Variants in RNF144A observed in about 807,000 individuals in gnomAD.
The protein encoded by RNF144A is ring finger protein 144A, also known as E3 ubiquitin-protein ligase RNF144A.
RNF144A carries 11 observed loss-of-function variants against 38.7 expected under a neutral mutation model. The ratio of observed to expected loss-of-function variants is 0.28; its 90% confidence interval spans 0.18 to 0.47. The LOEUF (loss-of-function observed/expected upper bound fraction) is 0.47, where lower values mean the gene tolerates loss of function less well. RNF144A is among the 20% of genes least tolerant of loss of function. RNF144A has a pLI of 0.99. For missense variants in RNF144A, 316 were observed against 377.2 expected (o/e 0.84, Z 1.34); for synonymous variants, 149 against 143.9 (o/e 1.04, Z -0.25).
intron 2 of RNF144A, among the ~76,000 whole-genome samples, chr2:6,967,573 T>G (rs1243093078): frequency 1.3e-5 from 2 of 152,192 alleles, no homozygotes; most frequent in Non-Finnish European, 2.9e-5. Context: ...GCTCCCTACT[T>G]CTGGGTAACT....
At chr2:7,029,953 G>A (rs1672168741) in intron 7 of RNF144A, among the ~76,000 whole-genome samples, 173 bp from the exon 8 acceptor site, 1 of 152,236 alleles carries the variant, frequency 6.6e-6, no homozygotes, top group South Asian at 2.1e-4. Flanking sequence ...GAGCGGCCTG[G>A]GCCTCCAGTG....
At chr2:6,968,944 G>A (rs1416736797) in intron 2 of RNF144A, among the ~76,000 whole-genome samples, 7 of 152,152 alleles carry the variant, frequency 4.6e-5, no homozygotes, top group Non-Finnish European at 7.3e-5. Context: ...ATGAGGTCTC[G>A]GGCTCAGAGC....
chr2:6,943,064 G>A lies in RNF144A; in HGVS notation c.-12+1917G>A, dbSNP rs1326439986. ...TATAAGCCACCCACATGGAGACACC[G>A]AGTGGGTGGTCCTATCCAGATCTGA... is the stretch of plus-strand genomic sequence containing the variant. On this transcript the variant is annotated intron_variant, in intron 2 of 8. Transcript: ENST00000320892. The surrounding 1 kb of genome is among the most constrained non-coding windows in gnomAD (Gnocchi z 4.3). 1.3e-5 allele frequency among the ~76,000 whole-genome samples: 2 copies of A among 152,196 alleles called. No individual in the cohort carries two copies. The highest frequency in any genetic ancestry group is 2.4e-5 in the African/African-American group (1 of 41,436).
chr2:6,979,290 G>C (rs1315587070), intron 2 of RNF144A, among the ~76,000 whole-genome samples: 1 of 152,190 alleles, frequency 6.6e-6, no homozygotes, highest in African/African-American at 2.4e-5. Context: ...ATGCAGATGA[G>C]ATGAGATATT....
At chr2:7,030,633 G>A (rs1672237439) in intron 8 of RNF144A, among the ~76,000 whole-genome samples, 1 of 152,150 alleles carries the variant, frequency 6.6e-6, no homozygotes, top group Admixed American at 6.5e-5. Flanking sequence ...CAAGGAAGGA[G>A]TGGAAAAATT....
intron 8 of RNF144A, among the ~76,000 whole-genome samples, chr2:7,033,997 G>A (rs1464070869): frequency 6.6e-6 from 1 of 152,198 alleles, no homozygotes; most frequent in Non-Finnish European, 1.5e-5. Context: ...AGGGAGCAAA[G>A]GGTTGCTGTG....
At chr2:6,953,315 G>C (rs1485023599) in intron 2 of RNF144A, among the ~76,000 whole-genome samples, 1 of 152,102 alleles carries the variant, frequency 6.6e-6, no homozygotes, top group African/African-American at 2.4e-5. Context: ...TGTAATCCCA[G>C]CTACTCGGGA....
chr2:6,981,057 T>C (rs970347076), intron 2 of RNF144A, among the ~76,000 whole-genome samples: 1 of 152,212 alleles, frequency 6.6e-6, no homozygotes, highest in Non-Finnish European at 1.5e-5. Context: ...CAGGGTGCCA[T>C]GTCCCAAGGC....
At chr2:6,966,151 C>T (rs1253489848) in intron 2 of RNF144A, among the ~76,000 whole-genome samples, 1 of 152,160 alleles carries the variant, frequency 6.6e-6, no homozygotes, top group Non-Finnish European at 1.5e-5. Flanking sequence ...CAGAGAAACA[C>T]CGGAATATTT....
At chr2:6,936,302 TAC>T (rs893875110) in intron 1 of RNF144A, among the ~76,000 whole-genome samples, 1 of 152,184 alleles carries the variant, frequency 6.6e-6, no homozygotes, top group Non-Finnish European at 1.5e-5. Flanking sequence ...GGCATATATA[TAC>T]ACACACCCAC....
intron 7 of RNF144A, among the ~76,000 whole-genome samples, chr2:7,027,059 G>C (rs1297175177): frequency 6.6e-6 from 1 of 152,226 alleles, no homozygotes; most frequent in Non-Finnish European, 1.5e-5. Context: ...ATCCAGCCAA[G>C]AGCACTCAGA....
At chr2:6,933,571 C>G (rs934618856) in intron 1 of RNF144A, among the ~76,000 whole-genome samples, 3 of 151,852 alleles carry the variant, frequency 2.0e-5, no homozygotes, top group African/African-American at 7.3e-5. Flanking sequence ...AGTCTTTAGC[C>G]TCTAAAAATT....
intron 2 of RNF144A, among the ~76,000 whole-genome samples, chr2:6,969,122 C>T (rs975081524): frequency 6.6e-6 from 1 of 152,148 alleles, no homozygotes; most frequent in Non-Finnish European, 1.5e-5. Flanking sequence ...CCATTACAGG[C>T]CTTGTTAGTA....
chr2:7,060,511 A>C (rs1216041873), intron 6 of RNF144A, among the ~76,000 whole-genome samples: 1 of 152,164 alleles, frequency 6.6e-6, no homozygotes, highest in Non-Finnish European at 1.5e-5. Context: ...TGCCCTTTAT[A>C]ACCTTTCCCC....
chr2:7,066,525 T>A (rs1365070906), intron 6 of RNF144A, among the ~76,000 whole-genome samples: 1 of 152,260 alleles, frequency 6.6e-6, no homozygotes, highest in Non-Finnish European at 1.5e-5. Context: ...TAAACATTTT[T>A]ATTTTATGAT....
At position 6,996,980 on chromosome 2, in the gene RNF144A, G is replaced by A. The variant is rs753399995; in HGVS notation, c.54G>A (p.Val18=). Residue 18 remains valine, a synonymous_variant, in exon 3 of 9, where the codon GTG becomes GTA. Transcript: ENST00000320892. ...GGGACCTGGCCCTCGACCCGCTGGT[G>A]TCTTGCAAGCTCTGTCTTGGGGAGT... ...PTWDLALDPL[V]SCKLCLGEYP... is the part of the protein sequence containing the mutation. The A allele has an allele frequency of 6.2e-7, 1 of 1,614,146 alleles. No individual in the cohort carries two copies. The highest frequency in any genetic ancestry group is 8.5e-7 in the Non-Finnish European group (1 of 1,179,974).
chr2:6,964,769 A>C, intron 2 of RNF144A, among the ~76,000 whole-genome samples: 1 of 151,270 alleles, frequency 6.6e-6, no homozygotes, highest in East Asian at 2.0e-4. Context: ...GAATTGAAAA[A>C]TGAGAACACA....
chr2:7,037,379 T>C (rs1672749364), intron 8 of RNF144A, among the ~76,000 whole-genome samples: 1 of 152,258 alleles, frequency 6.6e-6, no homozygotes, highest in African/African-American at 2.4e-5. Flanking sequence ...GCAAAGAATG[T>C]GTGGCTCTTT....
At chr2:7,072,587 GCATATTGT>G (rs1674522198), downstream of RNF144A, among the ~76,000 whole-genome samples, 1 of 152,158 alleles carries the variant, frequency 6.6e-6, no homozygotes. Context: ...ATTTTTCAGA[GCATATTGT>G]TTTATTTTCT....
Sources: gnomAD v4.1 joint callset for allele counts (sites outside exome capture counted in the v4.1 genomes callset) on GRCh38, gnomAD v4.1.1 for gene constraint, Gnocchi (gnomAD v3.1) non-coding constraint, MANE v1.5 for transcripts, NCBI Gene and HGNC (gene_info 2026-07-23, HGNC 2026-07-21) for gene names.